LRRC17: variants seen among roughly 807,000 people sequenced by gnomAD.
LRRC17 encodes leucine-rich repeat-containing protein 17.
A neutral mutation model predicts 41.5 loss-of-function variants in LRRC17; 33 were observed. The observed-to-expected ratio is 0.80, with a 90% CI of 0.60 to 1.06. The LOEUF is 1.06. LRRC17 is among the 50% of genes least tolerant of loss of function. The pLI, the probability that LRRC17 is intolerant of heterozygous loss-of-function variation, is 0.00. For synonymous variants in LRRC17, 192 were observed against 197.0 expected, an observed-to-expected ratio of 0.97 and a Z score of 0.21; for missense variants, 491 against 519.3, an observed-to-expected ratio of 0.95 and a Z score of 0.53.
At position 102,939,434 on chromosome 7, in the gene LRRC17, G is replaced by A. The variant is rs753588741; in HGVS notation, c.777G>A (p.Leu259=). Residue 259 remains leucine, a synonymous_variant, in exon 3 of 4, where the codon TTG becomes TTA. Coordinates refer to ENST00000339431, the MANE Select transcript of LRRC17 (RefSeq NM_001031692.3). Reference sequence around the variant, plus strand: ...AAATATTATTAAATTTTCCAGAGTTGAAAAAAGTGCCAAACAACATCCCTC... The same window carrying A: ...AAATATTATTAAATTTTCCAGAGTTAAAAAAAGTGCCAAACAACATCCCTC... The part of the protein sequence containing the change: ...IQTLDCKRKE[L]KKVPNNIPPD... 5 of 1,603,638 alleles carry A rather than the reference G, an allele frequency of 3.1e-6. No individual in the cohort carries two copies. Among genetic ancestry groups the A allele is most frequent in the African/African-American group, 1.3e-5 (1 of 74,120 alleles).
At position 102,944,953 on chromosome 7, in the gene LRRC17, G is replaced by A. The variant is rs1822201082; in HGVS notation, c.*346G>A. ...AAAAAAACTTGGTTCATGTTTACAT[G>A]CCTTTCGATAGCTGTTTGTGCATAC... On this transcript the variant is annotated 3_prime_UTR_variant, in exon 4 of 4. Transcript: ENST00000339431. 5.6e-6 allele frequency: 1 copy of A among 179,506 alleles called. No individual in the cohort carries two copies. Among genetic ancestry groups the A allele is most frequent in the South Asian group, 1.9e-4 (1 of 5,212 alleles). 11.1% of individuals were successfully genotyped at this position (179,506 alleles called of 1,614,324 possible). A position where few individuals can be genotyped will look rare whatever the true frequency, so the allele number is the denominator to read the frequency against.
chr7:102,943,830 T>C (rs919728146), intron 3 of LRRC17, among the ~76,000 whole-genome samples: 8 of 152,212 alleles, frequency 5.3e-5, no homozygotes, highest in Non-Finnish European at 1.2e-4. Flanking sequence ...CTTATTGGCC[T>C]TATTCAGAGA....
At chr7:102,925,119 T>G (rs373176519) in intron 1 of LRRC17, among the ~76,000 whole-genome samples, 37 of 152,290 alleles carry the variant, frequency 2.4e-4, no homozygotes, top group African/African-American at 8.7e-4. Context: ...AAAGAATAAT[T>G]GGGCCAGGCA....
At chr7:102,941,507 G>A (rs762741936) in intron 3 of LRRC17, among the ~76,000 whole-genome samples, 19 of 152,044 alleles carry the variant, frequency 1.2e-4, no homozygotes, top group Non-Finnish European at 2.5e-4. Context: ...CTGGTCTCCC[G>A]CACAGCCAGC....
chr7:102,942,424 GA>G (rs1426281501), intron 3 of LRRC17: 4 of 1,273,930 alleles, frequency 3.1e-6, no homozygotes, highest in Non-Finnish European at 4.3e-6. Context: ...CATTGTTGTG[GA>G]AAAGAGAAAG....
Position 102,934,189 on chromosome 7 carries a change from G to C in LRRC17, c.276G>C (p.Lys92Asn), listed in dbSNP as rs755249993. The C allele has an allele frequency of 1.4e-5, 22 of 1,614,086 alleles. No individual in the cohort carries two copies. The Admixed American group carries it at 3.5e-4, about 26-fold the overall frequency. ...TGCACATGCTGCTAGCAAGAAACAA[G>C]ATCCGCACATTGAAGAACAACATGT... The part of the protein sequence containing the change: ...DLLHMLLARN[K>N]IRTLKNNMFS... Residue 92 changes from lysine to asparagine, a missense_variant, in exon 2 of 4, where the codon AAG becomes AAC. Transcript: ENST00000339431.
At chr7:102,935,476 A>C (rs1395344957) in intron 2 of LRRC17, among the ~76,000 whole-genome samples, 3 of 152,134 alleles carry the variant, frequency 2.0e-5, no homozygotes, top group East Asian at 3.9e-4. Flanking sequence ...CTAAATTTAA[A>C]ATATTTAACC....
At position 102,913,051 on chromosome 7, in the gene LRRC17, A is replaced by G. The variant is rs766800955; in HGVS notation, c.-235A>G. The G allele has an allele frequency of 1.9e-6, 3 of 1,613,662 alleles. No individual in the cohort carries two copies. The African/African-American group carries it at 4.0e-5, about 22-fold the overall frequency. ...AGCCCATTCTCTGGAGAACTTCCTC[A>G]CACACCGCAGCAAAGAGAAGACTGA... On this transcript the variant is annotated 5_prime_UTR_variant, in exon 1 of 4. Transcript: ENST00000339431.
At chr7:102,928,535 T>C (rs934795784) in intron 1 of LRRC17, among the ~76,000 whole-genome samples, 1 of 152,222 alleles carries the variant, frequency 6.6e-6, no homozygotes, top group Non-Finnish European at 1.5e-5. Context: ...CCCTGTATAT[T>C]ATTAGACTCC....
Position 102,934,278 on chromosome 7 carries a change from G to A in LRRC17, c.365G>A (p.Ser122Asn), listed in dbSNP as rs1240343478. The A allele has an allele frequency of 6.2e-7, 1 of 1,614,026 alleles. No homozygotes were observed. The highest frequency in any genetic ancestry group is 8.5e-7 in the Non-Finnish European group (1 of 1,180,034). The change falls in exon 2 of 4, where the codon AGT (serine) becomes AAT (asparagine). Residue 122 changes from serine to asparagine, a missense_variant. By Grantham distance (46) the Ser-to-Asn change is conservative (BLOSUM62 1). Coordinates refer to ENST00000339431, the MANE Select transcript of LRRC17 (RefSeq NM_001031692.3). ...LQQNEISKIESEAFFGLNKLT... is the reference protein window; with the variant it reads ...LQQNEISKIENEAFFGLNKLT... ...CAGAATGAGATCTCTAAAATTGAGA[G>A]TGAGGCGTTCTTTGGTTTAAACAAA...
intron 1 of LRRC17, chr7:102,926,376 T>C (rs780884850): frequency 1.2e-6 from 2 of 1,611,354 alleles, no homozygotes; most frequent in Non-Finnish European, 1.7e-6. Context: ...TGATTCATCC[T>C]GCATGAAAAA....
chr7:102,934,797 C>A, intron 2 of LRRC17, 112 bp downstream of exon 2: 1 of 978,572 alleles, frequency 1.0e-6, no homozygotes, highest in South Asian at 1.8e-5. Flanking sequence ...TCACTTCCAC[C>A]AGAAATCCTT....
At chr7:102,920,050 T>A (rs894868710) in intron 1 of LRRC17, among the ~76,000 whole-genome samples, 24 of 152,140 alleles carry the variant, frequency 1.6e-4, no homozygotes, top group African/African-American at 5.3e-4. Flanking sequence ...GGGGAGTAGG[T>A]GTGCAGGGGT....
At chr7:102,924,991 T>G (rs1176257331) in intron 1 of LRRC17, among the ~76,000 whole-genome samples, 2 of 152,208 alleles carry the variant, frequency 1.3e-5, no homozygotes, top group Non-Finnish European at 2.9e-5. Context: ...AAAAGCTATA[T>G]TCTCAAAAAT....
chr7:102,915,125 T>A (rs931089188), intron 1 of LRRC17, among the ~76,000 whole-genome samples: 1,736 of 148,356 alleles, frequency 0.012, 33 homozygotes, highest in African/African-American at 0.041. Context: ...TTAAAATATT[T>A]TTTTTTTTTT....
At chr7:102,922,197 A>T (rs565949374) in intron 1 of LRRC17, among the ~76,000 whole-genome samples, 1 of 151,852 alleles carries the variant, frequency 6.6e-6, no homozygotes, top group South Asian at 2.1e-4. Context: ...CTCAAAAAAA[A>T]AAAAAAATTA....
chr7:102,942,654 C>T (rs1337418434), intron 3 of LRRC17, among the ~76,000 whole-genome samples: 1 of 152,056 alleles, frequency 6.6e-6, no homozygotes, highest in East Asian at 1.9e-4. Flanking sequence ...TAGAAAAAAT[C>T]CAGTATCTTC....
At chr7:102,926,396 G>C (rs1395055711) in intron 1 of LRRC17, 1 of 1,582,370 alleles carries the variant, frequency 6.3e-7, no homozygotes, top group South Asian at 1.1e-5. Context: ...ACAGAGGGAA[G>C]AGGCTTATCA....
At chr7:102,942,251 C>A in intron 3 of LRRC17, 2 of 1,542,062 alleles carry the variant, frequency 1.3e-6, no homozygotes, top group Non-Finnish European at 1.8e-6. Context: ...GCAAAATGAC[C>A]TAAAGAAGTT....
Sources: gnomAD v4.1 joint callset for allele counts (sites outside exome capture counted in the v4.1 genomes callset) on GRCh38, gnomAD v4.1.1 for gene constraint, MANE v1.5 for transcripts, NCBI Gene and HGNC (gene_info 2026-07-23, HGNC 2026-07-21) for gene names.